RBFOX1: variants seen among roughly 807,000 people sequenced by gnomAD.
RBFOX1 encodes the protein RNA binding fox-1 homolog 1.
Under a neutral mutation model 57.7 loss-of-function variants are expected in RBFOX1, and 8 were observed. That is an observed-to-expected ratio of 0.14 (90% CI 0.08 to 0.25). The LOEUF (loss-of-function observed/expected upper bound fraction) is 0.25. RBFOX1 is among the 10% of genes least tolerant of loss of function. The pLI, the probability that RBFOX1 is intolerant of heterozygous loss-of-function variation, is 1.00. For synonymous variants in RBFOX1, 326 were observed against 222.4 expected (o/e 1.47, Z -4.15); for missense variants, 611 against 548.5 (o/e 1.11, Z -1.14).
chr16:5,808,418 A>T lies in RBFOX1; in HGVS notation c.319-58885A>T, dbSNP rs193093738. On this transcript the variant is annotated intron_variant, in intron 3 of 19. Transcript: ENST00000641259. The stretch of plus-strand genomic sequence containing the variant: ...GCGATGCGGGCTCTTTTTTGGTTCC[A>T]TATGAACTTTAAAGTAGTTTTTTCC... Among the ~76,000 whole-genome samples the T allele has an allele frequency of 2.6e-5, 4 of 152,258 alleles. No homozygotes were observed. In the East Asian group the frequency reaches 7.7e-4, roughly 29 times the overall value.
rs201656734 is a variant in RBFOX1, at chr16:7,505,013, T to C, written c.28-13134T>C. On this transcript the variant is annotated intron_variant, in intron 4 of 15. Transcript: ENST00000550418. ...GTTAGGATATTCTAATGGGGAAACT[T>C]TTTTCAGTAATGCAGGGCAACGGTG... 2.7e-5 allele frequency among the ~76,000 whole-genome samples: 4 copies of C among 150,624 alleles called. No homozygotes were observed. The East Asian group carries it at 8.0e-4, about 30-fold the overall frequency.
intron 3 of RBFOX1, among the ~76,000 whole-genome samples, chr16:5,657,832 A>T (rs1418083231): frequency 2.0e-5 from 3 of 147,668 alleles, no homozygotes; most frequent in Non-Finnish European, 4.5e-5. Flanking sequence ...TCCCAGTTCA[A>T]GCTCTTCTGT....
At chr16:6,294,754 A>G (rs1249508562) in intron 1 of RBFOX1, among the ~76,000 whole-genome samples, 2 of 152,204 alleles carry the variant, frequency 1.3e-5, no homozygotes, top group Admixed American at 6.5e-5. Flanking sequence ...CTCTGTTAAA[A>G]TGTATAATTC....
At chr16:6,079,806 A>T (rs2095972154) in intron 1 of RBFOX1, among the ~76,000 whole-genome samples, 1 of 152,192 alleles carries the variant, frequency 6.6e-6, no homozygotes, top group Non-Finnish European at 1.5e-5. Context: ...ACTGCACTCC[A>T]GCCTGGGCAA....
At chr16:5,832,071 G>A (rs964144420) in intron 3 of RBFOX1, among the ~76,000 whole-genome samples, 1 of 152,224 alleles carries the variant, frequency 6.6e-6, no homozygotes, top group African/African-American at 2.4e-5. Context: ...TCAGGACCCT[G>A]TGTTGAGGAG....
At chr16:5,600,052 G>A (rs554272171) in exon 3 of RBFOX1, 1 of 151,846 alleles carries the variant, frequency 6.6e-6, no homozygotes, top group African/African-American at 2.4e-5. Context: ...CACTTTGGGA[G>A]GCTGAGGTGG....
At chr16:7,374,809 T>C (rs541740396) in intron 4 of RBFOX1, among the ~76,000 whole-genome samples, 4 of 152,290 alleles carry the variant, frequency 2.6e-5, no homozygotes, top group African/African-American at 9.6e-5. Flanking sequence ...GCCATGAGGT[T>C]TGGCCACCTT....
At chr16:7,664,258 A>G (rs1462521500) in intron 12 of RBFOX1, among the ~76,000 whole-genome samples, 4 of 152,228 alleles carry the variant, frequency 2.6e-5, no homozygotes, top group African/African-American at 7.2e-5. Context: ...TATGCACACA[A>G]TGCACTTGTA....
chr16:5,602,129 A>G (rs550833119), downstream of RBFOX1, among the ~76,000 whole-genome samples: 2 of 152,324 alleles, frequency 1.3e-5, no homozygotes, highest in East Asian at 3.9e-4. Context: ...CTCACAGGTC[A>G]GCTTCCTGTC....
chr16:7,704,405 A>G (rs2081760878), intron 14 of RBFOX1, among the ~76,000 whole-genome samples: 1 of 152,306 alleles, frequency 6.6e-6, no homozygotes, highest in African/African-American at 2.4e-5. Flanking sequence ...CACTATTTCT[A>G]GAGTCCCCAG....
intron 4 of RBFOX1, among the ~76,000 whole-genome samples, chr16:7,067,584 T>C (rs1292470267): frequency 6.6e-6 from 1 of 151,922 alleles, no homozygotes; most frequent in Non-Finnish European, 1.5e-5. Flanking sequence ...GTGCACAATG[T>C]TTAGGTTAGT....
chr16:6,502,354 C>T (rs531615821), intron 2 of RBFOX1, among the ~76,000 whole-genome samples: 1 of 152,094 alleles, frequency 6.6e-6, no homozygotes, highest in Non-Finnish European at 1.5e-5. Context: ...CTAGGAAAAT[C>T]CCAAGAAGAG....
chr16:5,713,198 A>T (rs1365501616), intron 3 of RBFOX1, among the ~76,000 whole-genome samples: 1 of 152,122 alleles, frequency 6.6e-6, no homozygotes. Flanking sequence ...TGCTTAAGCC[A>T]TTTGGGGCTA....
chr16:6,854,586 A>AATTTTTTTTTTTT (rs2057451331), intron 3 of RBFOX1, among the ~76,000 whole-genome samples: 1 of 76,912 alleles, frequency 1.3e-5, no homozygotes, highest in Non-Finnish European at 2.4e-5. Context: ...AGGAGAGGTG[A>AATTTTTTTTTTTT]ATTTTTTTTT....
At chr16:6,300,906 C>T (rs1436673344) in intron 1 of RBFOX1, among the ~76,000 whole-genome samples, 1 of 152,116 alleles carries the variant, frequency 6.6e-6, no homozygotes, top group Non-Finnish European at 1.5e-5. Context: ...TGGAATGCCC[C>T]ATTTATCTCT....
At chr16:5,697,325 A>G (rs1196582122) in intron 3 of RBFOX1, among the ~76,000 whole-genome samples, 1 of 151,650 alleles carries the variant, frequency 6.6e-6, no homozygotes, top group African/African-American at 2.4e-5. Flanking sequence ...TCTATATAGG[A>G]AAAGTATATA....
chr16:7,360,854 C>T (rs946186871), intron 4 of RBFOX1, among the ~76,000 whole-genome samples: 6 of 152,206 alleles, frequency 3.9e-5, no homozygotes, highest in African/African-American at 1.4e-4. Flanking sequence ...CCAGAGATTT[C>T]CCAGGTCACC....
intron 4 of RBFOX1, among the ~76,000 whole-genome samples, chr16:5,983,367 C>A (rs2060212172): frequency 6.6e-6 from 1 of 152,216 alleles, no homozygotes; most frequent in Non-Finnish European, 1.5e-5. Flanking sequence ...CGTGGAGCTT[C>A]TCCGCGGACA....
At chr16:6,069,325 A>G (rs1248259948) in intron 1 of RBFOX1, among the ~76,000 whole-genome samples, 19 of 149,086 alleles carry the variant, frequency 1.3e-4, no homozygotes, top group Non-Finnish European at 2.4e-4. Context: ...TTGAACCTGG[A>G]AGGCGGAGGT....
Sources: allele counts gnomAD v4.1 joint callset (sites outside exome capture counted in the v4.1 genomes callset), GRCh38; gene constraint gnomAD v4.1.1; transcripts MANE v1.5; gene names NCBI Gene and HGNC (gene_info 2026-07-23, HGNC 2026-07-21).